Variants in ABCA12 observed in about 807,000 individuals in gnomAD.
The protein encoded by ABCA12 is ATP binding cassette subfamily A member 12.
Under a neutral mutation model 293.5 loss-of-function variants are expected in ABCA12, and 156 were observed. That is an observed-to-expected ratio of 0.53 (90% CI 0.47 to 0.61). The LOEUF (loss-of-function observed/expected upper bound fraction) is 0.61. Among genes scored for constraint, ABCA12 ranks in the 20% least tolerant of loss-of-function variants. ABCA12 has a pLI of 0.00. For missense variants in ABCA12, 2,797 were observed against 3,090.2 expected (o/e 0.91, Z 2.25); for synonymous variants, 1,063 against 1,108.0 (o/e 0.96, Z 0.81).
chr2:215,054,537 G>A, intron 4 of ABCA12, 36 bp downstream of exon 4: 2 of 1,514,756 alleles, frequency 1.3e-6, no homozygotes, highest in African/African-American at 1.4e-5. Flanking sequence ...TGTTCCATAA[G>A]GCTTGTTCTG....
intron 2 of ABCA12, among the ~76,000 whole-genome samples, chr2:215,095,359 T>C (rs1702229922): frequency 1.3e-5 from 2 of 152,126 alleles, no homozygotes; most frequent in African/African-American, 4.8e-5. Context: ...TTTTTCTCCT[T>C]CTCTTATTCG....
chr2:214,945,179 T>TGAA lies in ABCA12; in HGVS notation c.7240-76_7240-75insTTC, dbSNP rs1422427406. 5 of 1,164,426 alleles carry TGAA rather than the reference T, an allele frequency of 4.3e-6. No individual in the cohort carries two copies. The African/African-American group carries it at 7.6e-5, about 18-fold the overall frequency. The allele number at this position is 1,164,426 out of a possible 1,614,324, so 72.1% of individuals were successfully genotyped here. ...GAAGTTCTTTTCATGAATTACTGCA[T>TGAA]TTCACTTCCCTAGAACAGAAATACT... On this transcript the variant is annotated intron_variant, in intron 48 of 52. Transcript: ENST00000272895.
At chr2:215,126,860 C>T (rs1702934821) in intron 1 of ABCA12, among the ~76,000 whole-genome samples, 1 of 151,920 alleles carries the variant, frequency 6.6e-6, no homozygotes, top group African/African-American at 2.4e-5. Flanking sequence ...TCTTGTTTCT[C>T]TAGTTCCTTG....
intron 5 of ABCA12, chr2:215,050,715 T>C (rs1006382896): frequency 1.2e-6 from 1 of 847,350 alleles, no homozygotes. Context: ...CAGAATCCAC[T>C]TATCTAGGAT....
At position 214,986,600 on chromosome 2, in the gene ABCA12, A is replaced by G. The variant is rs1467721623; in HGVS notation, c.4105T>C (p.Tyr1369His). 6.2e-7 allele frequency: 1 copy of G among 1,614,128 alleles called. No homozygotes were observed. ...VAVDNLNLNFYEGHITSLLGP... is the reference protein window; with the variant it reads ...VAVDNLNLNFHEGHITSLLGP... ...AGCAATGAAGTAATATGCCCTTCAT[A>G]AAAGTTCAGATTGAGGTTATCAACA... Residue 1369 changes from tyrosine to histidine, a missense_variant, in exon 28 of 53, where the codon TAT becomes CAT. Around this residue, in one of 3 missense-constraint regions of ABCA12, gnomAD observed 2,130 missense variants for 2,427.0 expected, o/e 0.88. Coordinates refer to ENST00000272895, the MANE Select transcript of ABCA12 (RefSeq NM_173076.3).
intron 2 of ABCA12, among the ~76,000 whole-genome samples, chr2:215,095,002 C>T (rs1702221964): frequency 6.6e-6 from 1 of 151,898 alleles, no homozygotes; most frequent in Non-Finnish European, 1.5e-5. Flanking sequence ...GCTAGTTTTC[C>T]TTATCCCCAA....
At chr2:215,086,383 G>A (rs866390547) in intron 2 of ABCA12, among the ~76,000 whole-genome samples, 1 of 152,170 alleles carries the variant, frequency 6.6e-6, no homozygotes, top group Non-Finnish European at 1.5e-5. Flanking sequence ...TCAAGCCAGC[G>A]AAGCCCTTTG....
chr2:215,037,912 G>C (rs1413889386), intron 7 of ABCA12, among the ~76,000 whole-genome samples: 1 of 152,078 alleles, frequency 6.6e-6, no homozygotes, highest in Non-Finnish European at 1.5e-5. Flanking sequence ...TTAAAAATTT[G>C]ACATTGTGAA....
intron 3 of ABCA12, among the ~76,000 whole-genome samples, chr2:215,062,038 C>A (rs900043965): frequency 6.6e-6 from 1 of 152,004 alleles, no homozygotes; most frequent in African/African-American, 2.4e-5. Flanking sequence ...GCCTGGTTCA[C>A]AAAATGTCTG....
chr2:214,985,577 C>T (rs555176904), intron 28 of ABCA12, among the ~76,000 whole-genome samples: 1 of 152,072 alleles, frequency 6.6e-6, no homozygotes. Flanking sequence ...AAAATCTGGC[C>T]TTTTTGGCAT....
intron 7 of ABCA12, among the ~76,000 whole-genome samples, chr2:215,040,732 A>G (rs1194369707): frequency 1.3e-5 from 2 of 152,178 alleles, no homozygotes; most frequent in Admixed American, 1.3e-4. Context: ...GAATTGCTTG[A>G]ATCCAAGAGG....
chr2:215,080,933 T>C (rs1050082212), intron 2 of ABCA12: 1 of 152,228 alleles, frequency 6.6e-6, no homozygotes, highest in Non-Finnish European at 1.5e-5. Context: ...CTCAGAACCA[T>C]ATTATTTTAA....
intron 2 of ABCA12, among the ~76,000 whole-genome samples, chr2:215,095,837 C>T (rs1441831567): frequency 6.6e-6 from 1 of 152,144 alleles, no homozygotes; most frequent in East Asian, 1.9e-4. Flanking sequence ...TGTGACCACA[C>T]CCCTGCCTGC....
intron 23 of ABCA12, 39 bp downstream of exon 23, chr2:214,997,656 A>G (rs372444792): frequency 2.9e-4 from 416 of 1,418,178 alleles, no homozygotes; most frequent in Non-Finnish European, 3.9e-4. Context: ...TGTTCTATGA[A>G]CAGGACTTAT....
chr2:215,007,667 C>A (rs985738323), intron 19 of ABCA12, 60 bp downstream of exon 19: 62 of 1,602,508 alleles, frequency 3.9e-5, no homozygotes, highest in Admixed American at 1.0e-4. Flanking sequence ...ATATTGAAGG[C>A]AATTAAAATC....
At chr2:215,099,027 A>T (rs1220694528) in intron 2 of ABCA12, among the ~76,000 whole-genome samples, 1 of 152,234 alleles carries the variant, frequency 6.6e-6, no homozygotes, top group Non-Finnish European at 1.5e-5. Flanking sequence ...CAAAAGGTGG[A>T]GCCTAATTCC....
rs533325283 is a variant in ABCA12 at position 215,069,293 on chromosome 2, C to G, written c.164-5074G>C. On this transcript the variant is annotated intron_variant, in intron 2 of 52. Coordinates refer to ENST00000272895, the MANE Select transcript of ABCA12 (RefSeq NM_173076.3). ...CAGAATAAGTGTCAGGCCTTCTGAT[C>G]GTGCAAATAATGTCTCCTTGTCAAG... Among the ~76,000 whole-genome samples, 6 of 151,418 alleles carry G rather than the reference C, an allele frequency of 4.0e-5. No homozygotes were observed. The East Asian group carries it at 1.2e-3, about 29-fold the overall frequency.
At chr2:214,939,050 G>A (rs570662589) in intron 50 of ABCA12, among the ~76,000 whole-genome samples, 1 of 152,214 alleles carries the variant, frequency 6.6e-6, no homozygotes, top group Admixed American at 6.5e-5. Context: ...TGTCTTGAAT[G>A]GTATTGCCTA....
chr2:215,137,310 A>G (rs2105925119), intron 1 of ABCA12, among the ~76,000 whole-genome samples: 1 of 152,286 alleles, frequency 6.6e-6, no homozygotes, highest in South Asian at 2.1e-4. Context: ...TAATATTTAC[A>G]TTACTCATTC....
Sources: allele counts gnomAD v4.1 joint callset (sites outside exome capture counted in the v4.1 genomes callset), GRCh38; gene constraint gnomAD v4.1.1; regional missense constraint gnomAD v4.1.1; transcripts MANE v1.5; gene names NCBI Gene and HGNC (gene_info 2026-07-23, HGNC 2026-07-21).